Variants in SP4 observed in about 807,000 individuals in gnomAD.
SP4 encodes the protein transcription factor Sp4.
Under a neutral mutation model 72.8 loss-of-function variants are expected in SP4, and 19 were observed. The observed-to-expected ratio is 0.26, with a 90% CI of 0.18 to 0.38. SP4 has a LOEUF of 0.38. Ranked by LOEUF, SP4 falls within the 10% of genes least tolerant of loss-of-function variation. The pLI is 1.00. For missense variants in SP4, 1,008 were observed against 926.3 expected, an observed-to-expected ratio of 1.09 and a Z score of -1.14; for synonymous variants, 395 against 333.1, an observed-to-expected ratio of 1.19 and a Z score of -2.02.
intron 3 of SP4, among the ~76,000 whole-genome samples, chr7:21,459,186 C>G (rs1051611830): frequency 6.6e-6 from 1 of 152,194 alleles, no homozygotes; most frequent in Non-Finnish European, 1.5e-5. Flanking sequence ...GTGGCGCGAT[C>G]TCAGCTCACT....
rs201490557 is a variant in SP4 at position 21,428,660 on chromosome 7, G to C, written c.8-17G>C. 3.3e-6 allele frequency: 5 copies of C among 1,519,520 alleles called. No homozygotes were observed. In the African/African-American group the frequency reaches 5.6e-5, roughly 17 times the overall value. 94.1% of individuals were successfully genotyped at this position (1,519,520 alleles called of 1,614,324 possible). ...TAACCTGTTGTCGTGTGTGTGTGGT[G>C]GGGGGGTTTGTTGCAGATCAGAAGA... On this transcript the variant is annotated splice_polypyrimidine_tract_variant and intron_variant, in intron 1 of 5. Coordinates refer to ENST00000222584, the MANE Select transcript of SP4 (RefSeq NM_003112.5).
chr7:21,435,636 AG>A (rs773318893), intron 3 of SP4, among the ~76,000 whole-genome samples: 1 of 152,152 alleles, frequency 6.6e-6, no homozygotes, highest in Non-Finnish European at 1.5e-5. Flanking sequence ...CTTTTTTCAG[AG>A]GAGTCAGATT....
At chr7:21,428,882 A>G in intron 2 of SP4, 90 bp downstream of exon 2, 2 of 1,015,668 alleles carry the variant, frequency 2.0e-6, no homozygotes. Flanking sequence ...TAACAGAATA[A>G]AATGTTTATC....
At position 21,511,498 on chromosome 7, in the gene SP4, TGTA is replaced by T; in HGVS notation, c.*232_*234del. On this transcript the variant is annotated 3_prime_UTR_variant, in exon 6 of 6. Transcript: ENST00000222584. ...AAAGTATTTCCTCCATACTATAAGT[TGTA>T]GTTGTTTGGAAATATATCACATAAC... 2.1e-6 allele frequency: 1 copy of T among 480,002 alleles called. No individual in the cohort carries two copies. Among genetic ancestry groups the T allele is most frequent in the Non-Finnish European group, 3.7e-6 (1 of 268,378 alleles). The allele number at this position is 480,002 out of a possible 1,614,324, so 29.7% of individuals were successfully genotyped here.
intron 3 of SP4, among the ~76,000 whole-genome samples, chr7:21,456,284 G>C (rs1253395241): frequency 1.3e-5 from 2 of 152,156 alleles, no homozygotes; most frequent in Non-Finnish European, 2.9e-5. Context: ...TATGCAGGCA[G>C]GCAAACTGCT....
At chr7:21,454,992 T>C (rs1783717454) in intron 3 of SP4, among the ~76,000 whole-genome samples, 1 of 152,340 alleles carries the variant, frequency 6.6e-6, no homozygotes, top group African/African-American at 2.4e-5. Context: ...GGGAAATTTA[T>C]AATTTTTACT....
chr7:21,455,027 C>G (rs1193008200), intron 3 of SP4, among the ~76,000 whole-genome samples: 2 of 152,172 alleles, frequency 1.3e-5, no homozygotes, highest in Non-Finnish European at 2.9e-5. Context: ...TTTCCCTTGG[C>G]TTTGTACTGT....
At chr7:21,496,284 C>G (rs867187502) in intron 5 of SP4, among the ~76,000 whole-genome samples, 35 of 152,252 alleles carry the variant, frequency 2.3e-4, no homozygotes, top group African/African-American at 7.7e-4. Context: ...AAAGTGGAGA[C>G]AAACTCATTT....
chr7:21,470,766 A>G (rs1562608744), intron 3 of SP4, among the ~76,000 whole-genome samples: 1 of 151,304 alleles, frequency 6.6e-6, no homozygotes, highest in African/African-American at 2.4e-5. Context: ...AAAAAAAAAA[A>G]AAAGCAGAAC....
chr7:21,472,869 T>C (rs1476881672), intron 3 of SP4, among the ~76,000 whole-genome samples: 1 of 151,688 alleles, frequency 6.6e-6, no homozygotes, highest in Non-Finnish European at 1.5e-5. Flanking sequence ...AGAGTCAAAA[T>C]TGAATAAGGA....
At chr7:21,470,749 GAAAAAAA>G (rs11406915) in intron 3 of SP4, among the ~76,000 whole-genome samples, 19 of 105,348 alleles carry the variant, frequency 1.8e-4, no homozygotes, top group Non-Finnish European at 2.8e-4. Flanking sequence ...TCTATATTTG[GAAAAAAA>G]AAAAAAAAAA....
At chr7:21,509,544 T>A (rs564865689) in intron 5 of SP4, among the ~76,000 whole-genome samples, 1 of 152,312 alleles carries the variant, frequency 6.6e-6, no homozygotes, top group South Asian at 2.1e-4. Flanking sequence ...GAGGTGCATC[T>A]TCTTTGTGTT....
At chr7:21,440,133 C>T (rs894210519) in intron 3 of SP4, among the ~76,000 whole-genome samples, 10 of 152,128 alleles carry the variant, frequency 6.6e-5, no homozygotes, top group African/African-American at 2.4e-4. Flanking sequence ...AGAATTAAAA[C>T]TCACATTTTT....
At chr7:21,474,768 C>T (rs77716221) in intron 3 of SP4, among the ~76,000 whole-genome samples, 2,061 of 152,320 alleles carry the variant, frequency 0.014, 49 homozygotes, top group East Asian at 0.08. Context: ...TTACAACTCT[C>T]ACTTCACTTG....
chr7:21,448,329 T>C (rs886950670), intron 3 of SP4, among the ~76,000 whole-genome samples: 16 of 152,228 alleles, frequency 1.1e-4, no homozygotes, highest in African/African-American at 3.6e-4. Flanking sequence ...AAAGAATTTG[T>C]GTTTCATTAA....
intron 5 of SP4, among the ~76,000 whole-genome samples, chr7:21,510,137 C>T (rs917397194): frequency 1.3e-5 from 2 of 152,136 alleles, no homozygotes; most frequent in African/African-American, 4.8e-5. Flanking sequence ...TATGGGAGCA[C>T]AATTCAAGAT....
intron 3 of SP4, among the ~76,000 whole-genome samples, chr7:21,438,784 C>G (rs1486537614): frequency 6.6e-6 from 1 of 152,172 alleles, no homozygotes. Flanking sequence ...GAATGGGAAT[C>G]TTCTCTTTGT....
intron 3 of SP4, among the ~76,000 whole-genome samples, chr7:21,455,584 T>C (rs1783738016): frequency 6.6e-6 from 1 of 152,210 alleles, no homozygotes; most frequent in Non-Finnish European, 1.5e-5. Flanking sequence ...ACCTTTGTAG[T>C]GTCTTGTCAC....
chr7:21,500,354 A>G (rs967729141), intron 5 of SP4, among the ~76,000 whole-genome samples: 1 of 152,124 alleles, frequency 6.6e-6, no homozygotes, highest in East Asian at 1.9e-4. Flanking sequence ...TTAGTTTTCT[A>G]TTGCTGCCAC....
Sources: gnomAD v4.1 joint callset for allele counts (sites outside exome capture counted in the v4.1 genomes callset) on GRCh38, gnomAD v4.1.1 for gene constraint, MANE v1.5 for transcripts, NCBI Gene and HGNC (gene_info 2026-07-23, HGNC 2026-07-21) for gene names.